KALRN: variants seen among roughly 807,000 people sequenced by gnomAD.
The protein encoded by KALRN is kalirin RhoGEF kinase, also known as kalirin.
A neutral mutation model predicts 353.7 loss-of-function variants in KALRN; 70 were observed. The ratio of observed to expected loss-of-function variants is 0.20; its 90% CI spans 0.16 to 0.24. The LOEUF (loss-of-function observed/expected upper bound fraction) is 0.24, where lower values mean the gene tolerates loss of function less well. Among genes scored for constraint, KALRN ranks in the 10% least tolerant of loss-of-function variants. KALRN has a pLI of 1.00. For missense variants in KALRN, 2,791 were observed against 3,756.7 expected, an observed-to-expected ratio of 0.74 and a Z score of 6.72; for synonymous variants, 1,391 against 1,434.8, an observed-to-expected ratio of 0.97 and a Z score of 0.69.
At chr3:124,623,185 A>C in intron 34 of KALRN, among the ~76,000 whole-genome samples, 1 of 138,678 alleles carries the variant, frequency 7.2e-6, no homozygotes, top group East Asian at 2.1e-4. Context: ...TCATTCTGCT[A>C]TGTTGCCCAG....
At chr3:124,618,086 CTTTTTTTTTTTTTTTTTTTTTTTT>C (rs71145464) in intron 34 of KALRN, among the ~76,000 whole-genome samples, 4 of 63,336 alleles carry the variant, frequency 6.3e-5, no homozygotes, top group South Asian at 7.5e-4. Flanking sequence ...GTGCAGAAAT[CTTTTTTTTTTTTTTTTTTTTTTTT>C]TTTTTTTTTT....
intron 10 of KALRN, among the ~76,000 whole-genome samples, chr3:124,368,772 A>T (rs1402104261): frequency 7.9e-5 from 12 of 151,174 alleles, no homozygotes; most frequent in Admixed American, 7.9e-4. Context: ...CCTGGGCACC[A>T]TTGAGCACTG....
intron 34 of KALRN, among the ~76,000 whole-genome samples, chr3:124,576,439 G>A (rs781409383): frequency 3.3e-5 from 5 of 152,072 alleles, no homozygotes; most frequent in African/African-American, 4.8e-5. Context: ...CATGTAGAAC[G>A]GTAAAGGAAA....
chr3:124,137,288 G>C (rs755248807), intron 1 of KALRN, among the ~76,000 whole-genome samples: 5 of 152,202 alleles, frequency 3.3e-5, no homozygotes, highest in Admixed American at 1.3e-4. Flanking sequence ...TGAGGTAAGT[G>C]TTAAGTGATT....
intron 1 of KALRN, among the ~76,000 whole-genome samples, chr3:124,216,290 T>A (rs1355018074): frequency 6.6e-6 from 1 of 152,168 alleles, no homozygotes; most frequent in Non-Finnish European, 1.5e-5. Context: ...TCATAAAGTG[T>A]GCTGTGAGGG....
intron 7 of KALRN, 122 bp from the exon 8 acceptor site, chr3:124,329,739 G>T: frequency 9.1e-7 from 1 of 1,098,678 alleles, no homozygotes; most frequent in Non-Finnish European, 1.3e-6. Flanking sequence ...CTCTACAGTG[G>T]TCTCTGAAGG....
chr3:124,440,700 A>G (rs929906015), intron 18 of KALRN, among the ~76,000 whole-genome samples: 4 of 152,006 alleles, frequency 2.6e-5, no homozygotes, highest in African/African-American at 9.6e-5. Flanking sequence ...GGGTGTGTAG[A>G]AGAAAAAAAT....
At chr3:124,482,762 C>T (rs983007349) in intron 27 of KALRN, 46 bp from the exon 28 acceptor site, 1 of 1,271,608 alleles carries the variant, frequency 7.9e-7, no homozygotes, top group Non-Finnish European at 1.2e-6. Flanking sequence ...CACACACATG[C>T]ACACACCCCT....
chr3:124,160,236 G>A (rs941443419), intron 1 of KALRN, among the ~76,000 whole-genome samples: 3 of 151,582 alleles, frequency 2.0e-5, no homozygotes, highest in Admixed American at 6.6e-5. Flanking sequence ...CTTCCATGCC[G>A]GCCTGGATGG....
intron 53 of KALRN, among the ~76,000 whole-genome samples, chr3:124,694,878 A>T (rs1047191649): frequency 6.6e-6 from 1 of 152,200 alleles, no homozygotes; most frequent in Non-Finnish European, 1.5e-5. Flanking sequence ...TCAAGCATGC[A>T]CCATACTTAT....
intron 1 of KALRN, among the ~76,000 whole-genome samples, chr3:124,115,961 T>C (rs1239239218): frequency 6.6e-6 from 1 of 152,186 alleles, no homozygotes; most frequent in Non-Finnish European, 1.5e-5. Flanking sequence ...TATTTATCAG[T>C]GTATGGTCCA....
At chr3:124,586,466 C>A (rs2075196259) in intron 34 of KALRN, among the ~76,000 whole-genome samples, 1 of 152,140 alleles carries the variant, frequency 6.6e-6, no homozygotes, top group Admixed American at 6.5e-5. Flanking sequence ...ACTCTCTGGG[C>A]GTCTTGCTGG....
rs755698753 is a variant in KALRN, at chr3:124,633,966, T to A, written c.5568+13T>A. The A allele has an allele frequency of 3.9e-5, 62 of 1,607,138 alleles. 2 individuals carry two copies. The South Asian group carries it at 6.4e-4, about 17-fold the overall frequency. ...ACAGGATGAAATGGTAGAACTTCTT[T>A]ACTTGCTCACTTAAAAGAGCAACGT... is the stretch of plus-strand genomic sequence containing the variant. On this transcript the variant is annotated intron_variant, in intron 36 of 59. Coordinates refer to ENST00000682506, the MANE Select transcript of KALRN (RefSeq NM_001388419.1).
intron 32 of KALRN, among the ~76,000 whole-genome samples, chr3:124,496,030 T>C (rs1457888367): frequency 8.6e-5 from 10 of 116,142 alleles, no homozygotes; most frequent in South Asian, 3.1e-4. Context: ...CATATATACA[T>C]ACATACACCC....
At chr3:124,153,592 C>T (rs1396910946) in intron 1 of KALRN, among the ~76,000 whole-genome samples, 3 of 151,004 alleles carry the variant, frequency 2.0e-5, no homozygotes, top group African/African-American at 7.3e-5. Context: ...GTGCATGTGT[C>T]TTTATAGCAG....
chr3:124,206,012 A>T (rs1560227708), intron 1 of KALRN, among the ~76,000 whole-genome samples: 1 of 152,214 alleles, frequency 6.6e-6, no homozygotes. Context: ...CACCTGACAT[A>T]AGATTTTGAG....
chr3:124,207,289 G>A (rs1398940215), intron 1 of KALRN, among the ~76,000 whole-genome samples: 1 of 152,236 alleles, frequency 6.6e-6, no homozygotes, highest in Non-Finnish European at 1.5e-5. Flanking sequence ...AAGGGGTATG[G>A]CAAGGGATGG....
At chr3:124,490,907 G>C (rs1236215635) in intron 30 of KALRN, 23 bp downstream of exon 30, 4 of 1,590,360 alleles carry the variant, frequency 2.5e-6, no homozygotes, top group Non-Finnish European at 3.4e-6. Context: ...GGTGGGGTAA[G>C]ACAAGACTCC....
chr3:124,449,955 A>G (rs2058620491), intron 21 of KALRN, among the ~76,000 whole-genome samples: 1 of 152,188 alleles, frequency 6.6e-6, no homozygotes. Context: ...GTTGATGGAC[A>G]TTTGGGTTGT....
Sources: gnomAD v4.1 joint callset for allele counts (sites outside exome capture counted in the v4.1 genomes callset) on GRCh38, gnomAD v4.1.1 for gene constraint, MANE v1.5 for transcripts, NCBI Gene and HGNC (gene_info 2026-07-23, HGNC 2026-07-21) for gene names.